NCOR2: variants seen among roughly 807,000 people sequenced by gnomAD.
NCOR2 encodes the protein nuclear receptor corepressor 2, also known as CTG repeat protein 26.
Under a neutral mutation model 262.9 loss-of-function variants are expected in NCOR2, and 81 were observed. The observed-to-expected ratio is 0.31, with a 90% confidence interval of 0.26 to 0.37. NCOR2 has a LOEUF of 0.37. NCOR2 is among the 10% of genes least tolerant of loss of function. The pLI, the probability that NCOR2 is intolerant of heterozygous loss-of-function variation, is 1.00. For synonymous variants in NCOR2, 1,659 were observed against 1,559.3 expected (o/e 1.06, Z -1.51); for missense variants, 3,385 against 3,621.4 (o/e 0.93, Z 1.68).
rs1566031622 is a variant in NCOR2 at position 124,531,892 on chromosome 12, A to C, written c.-118+3673T>G. Among the ~76,000 whole-genome samples the C allele has an allele frequency of 6.9e-5, 4 of 58,060 alleles. No individual in the cohort carries two copies. The highest frequency in any genetic ancestry group is 4.2e-4 in the East Asian group (1 of 2,360). 38.1% of individuals were successfully genotyped at this position (58,060 alleles called of 152,430 possible). A position where few individuals can be genotyped will look rare whatever the true frequency, so the allele number is the denominator to read the frequency against. On this transcript the variant is annotated intron_variant, in intron 1 of 46. Transcript: ENST00000404621. This position sits in a 1 kb window ranked among gnomAD's most constrained non-coding sequence, Gnocchi z 4.5. ...TCCCAGACACCCACCTCCCCACCCC[A>C]CTCCCAGCTGAAGAATCCACTCACA...
rs1449332706 is a variant in NCOR2 at position 124,371,407 on chromosome 12, T to C, written c.2807+615A>G. 3.3e-5 allele frequency among the ~76,000 whole-genome samples: 5 copies of C among 152,220 alleles called. No individual in the cohort carries two copies. The South Asian group carries it at 8.3e-4, about 25-fold the overall frequency. On this transcript the variant is annotated intron_variant, in intron 20 of 46. Coordinates refer to ENST00000405201, the Ensembl canonical transcript of NCOR2. ...TGTGACCTTATTTGGAAATAGACTG[T>C]TTGCTGATATAATCAAGTTAAGATG...
At chr12:124,362,916 A>T (rs76329552) in intron 21 of NCOR2, among the ~76,000 whole-genome samples, 1 of 145,196 alleles carries the variant, frequency 6.9e-6, no homozygotes, top group African/African-American at 2.6e-5. Flanking sequence ...AACAGGGGGA[A>T]CCCACCTCCC....
chr12:124,562,394 G>A (rs947938930), intron 1 of NCOR2: 1 of 152,156 alleles, frequency 6.6e-6, no homozygotes, highest in East Asian at 1.9e-4. Flanking sequence ...AGAAACCAAG[G>A]CCAGAAGGTC....
At chr12:124,492,131 C>T (rs984640163) in intron 1 of NCOR2, among the ~76,000 whole-genome samples, 1 of 152,236 alleles carries the variant, frequency 6.6e-6, no homozygotes, top group African/African-American at 2.4e-5. Context: ...CTTCCACGGC[C>T]TGCACCATTC....
In NCOR2 at chr12:124,425,236, T is replaced by C. The variant is rs2043464425; in HGVS notation, c.1328+1386A>G. ...AAAAATACAAAAAATTAGCCAGGCA[T>C]GGTGGTGGCCGCCTGTAGTCCCAGC... On this transcript the variant is annotated intron_variant, in intron 11 of 46. Transcript: ENST00000405201. Among the ~76,000 whole-genome samples, 4 of 151,974 alleles carry C rather than the reference T, an allele frequency of 2.6e-5. No individual in the cohort carries two copies. The South Asian group carries it at 8.3e-4, about 32-fold the overall frequency.
Position 124,371,914 on chromosome 12 carries a change from TC to T in NCOR2, c.2807+107del. 1.4e-5 allele frequency: 16 copies of T among 1,150,454 alleles called. No homozygotes were observed. In the South Asian group the frequency reaches 2.7e-4, roughly 20 times the overall value. 71.3% of individuals were successfully genotyped at this position (1,150,454 alleles called of 1,614,324 possible). A position where few individuals can be genotyped will look rare whatever the true frequency, so the allele number is the denominator to read the frequency against. ...CTGCCTCCCTAACCACACCTCGGGCTCCCCCAAAGCAGGCAGAGCCAGACTG... is the reference window on the plus strand; with the variant it reads ...CTGCCTCCCTAACCACACCTCGGGCTCCCCAAAGCAGGCAGAGCCAGACTG... On this transcript the variant is annotated intron_variant, in intron 20 of 46. Coordinates refer to ENST00000405201, the Ensembl canonical transcript of NCOR2.
intron 32 of NCOR2, among the ~76,000 whole-genome samples, chr12:124,344,094 C>T (rs1031165049): frequency 1.2e-4 from 18 of 152,140 alleles, no homozygotes; most frequent in Non-Finnish European, 1.8e-4. Context: ...AGAGGAGGAG[C>T]CACGCAAAGG....
At chr12:124,347,874 G>A (rs751415173) in exon 30 of NCOR2, 2 of 1,568,030 alleles carry the variant, frequency 1.3e-6, no homozygotes, top group South Asian at 2.3e-5. Flanking sequence ...GGTGGTGGGG[G>A]CTGTGTCGCT....
chr12:124,362,085 C>G (rs377679493), intron 22 of NCOR2, 41 bp downstream of exon 24: 4 of 1,263,480 alleles, frequency 3.2e-6, no homozygotes, highest in Non-Finnish European at 4.0e-6. Flanking sequence ...CCGTCAGTCC[C>G]CTGCTGCCCC....
Position 124,378,143 on chromosome 12 carries a change from G to C in NCOR2, c.2167+94C>G. The C allele has an allele frequency of 1.3e-6, 2 of 1,537,718 alleles. No individual in the cohort carries two copies. The highest frequency in any genetic ancestry group is 1.7e-6 in the Non-Finnish European group (2 of 1,143,158). Reference sequence around the variant, plus strand: ...CTAAGGAGGACCCAGATGACTCAGGGGAGAGGAGGCTGCCGGGATCAGTTC... The same window carrying C: ...CTAAGGAGGACCCAGATGACTCAGGCGAGAGGAGGCTGCCGGGATCAGTTC... On this transcript the variant is annotated intron_variant, in intron 18 of 46. Coordinates refer to ENST00000405201, the Ensembl canonical transcript of NCOR2. The surrounding 1 kb of genome is among the most constrained non-coding windows in gnomAD (Gnocchi z 4.2).
upstream of NCOR2, among the ~76,000 whole-genome samples, chr12:124,496,027 TA>T (rs1232170136): frequency 9.2e-5 from 14 of 151,972 alleles, no homozygotes; most frequent in African/African-American, 3.1e-4. The surrounding 1 kb of genome is among the most constrained non-coding windows in gnomAD (Gnocchi z 4.4). Flanking sequence ...AGCCTAGGGA[TA>T]GGTACCCCAA....
chr12:124,334,789 G>A, intron 40 of NCOR2, 172 bp from the exon 43 acceptor site: 2 of 595,082 alleles, frequency 3.4e-6, no homozygotes, highest in Non-Finnish European at 5.9e-6. Context: ...GTGTGCATGG[G>A]AGTGGGGCTG....
intron 13 of NCOR2, among the ~76,000 whole-genome samples, chr12:124,410,397 G>A (rs1422072458): frequency 1.3e-5 from 2 of 151,816 alleles, no homozygotes; most frequent in African/African-American, 4.8e-5. Context: ...CCTGACTGCA[G>A]GACGTGGGGA....
intron 1 of NCOR2, among the ~76,000 whole-genome samples, chr12:124,563,186 C>G (rs1217827321): frequency 6.6e-6 from 1 of 152,192 alleles, no homozygotes; most frequent in Non-Finnish European, 1.5e-5. Flanking sequence ...TGTAAATGGC[C>G]AAGCTGGAAC....
At position 124,454,854 on chromosome 12, in the gene NCOR2, T is replaced by C. The variant is rs538327088; in HGVS notation, c.762+2252A>G. ...CGTTCACATGGAAACGGCACACTAA[T>C]GTTCACAGCAACTTTATTCACAATA... On this transcript the variant is annotated intron_variant, in intron 6 of 46. Coordinates refer to ENST00000405201, the Ensembl canonical transcript of NCOR2. The surrounding 1 kb of genome is among the most constrained non-coding windows in gnomAD (Gnocchi z 5.6). Among the ~76,000 whole-genome samples, 1 of 152,278 alleles carries C rather than the reference T, an allele frequency of 6.6e-6. No individual in the cohort carries two copies. Among genetic ancestry groups the C allele is most frequent in the Non-Finnish European group, 1.5e-5 (1 of 68,026 alleles).
chr12:124,422,876 C>G lies in NCOR2; in HGVS notation c.1329-321G>C, dbSNP rs575817731. On this transcript the variant is annotated intron_variant, in intron 11 of 46. Coordinates refer to ENST00000405201, the Ensembl canonical transcript of NCOR2. ...GCAGCTCTTTGGTGGGGTTCCCCCC[C>G]CTTTAAAATCCACTTTTGTTTCTCT... 1.5e-3 allele frequency among the ~76,000 whole-genome samples: 231 copies of G among 152,354 alleles called. 2 individuals carry two copies. Among genetic ancestry groups the G allele is most frequent in the African/African-American group, 4.9e-3 (205 of 41,586 alleles).
At chr12:124,325,121 C>G (rs926003637) in exon 47 of NCOR2, 2 of 285,242 alleles carry the variant, frequency 7.0e-6, no homozygotes, top group Non-Finnish European at 1.3e-5. Context: ...GGCTGCCACA[C>G]GCCTGCCGTG....
rs983701058 is a variant in NCOR2, at chr12:124,549,818, C to T, written c.-164-14207G>A. The stretch of plus-strand genomic sequence containing the variant: ...GCGGCAGGAACGGGGCCTTGAGTCA[C>T]CACCCTATCCCACTGGGAAGGCAGG... On this transcript the variant is annotated intron_variant, in intron 1 of 32. Transcript: ENST00000458234. This position sits in a 1 kb window ranked among gnomAD's most constrained non-coding sequence, Gnocchi z 4.4. 6.6e-6 allele frequency among the ~76,000 whole-genome samples: 1 copy of T among 152,164 alleles called. No individual in the cohort carries two copies. Among genetic ancestry groups the T allele is most frequent in the Admixed American group, 6.5e-5 (1 of 15,282 alleles).
At chr12:124,439,400 G>A (rs1450117199) in intron 7 of NCOR2, among the ~76,000 whole-genome samples, 5 of 147,638 alleles carry the variant, frequency 3.4e-5, no homozygotes, top group African/African-American at 4.9e-5. Flanking sequence ...CAGAGACAGA[G>A]GGAGACAGAG....
Sources: allele counts gnomAD v4.1 joint callset (sites outside exome capture counted in the v4.1 genomes callset), GRCh38; gene constraint gnomAD v4.1.1; non-coding constraint Gnocchi (gnomAD v3.1); transcripts MANE v1.5; gene names NCBI Gene and HGNC (gene_info 2026-07-23, HGNC 2026-07-21).